Variants in KAT6B observed in about 807,000 individuals in gnomAD.
KAT6B encodes the protein lysine acetyltransferase 6B.
A neutral mutation model predicts 187.5 loss-of-function variants in KAT6B; 10 were observed. That is an observed-to-expected ratio of 0.05 (90% CI 0.03 to 0.09). The LOEUF (loss-of-function observed/expected upper bound fraction) is 0.09, where lower values mean the gene tolerates loss of function less well. KAT6B is among the 10% of genes least tolerant of loss of function. The pLI is 1.00. For missense variants in KAT6B, 1,952 were observed against 2,558.9 expected, an observed-to-expected ratio of 0.76 and a Z score of 5.12; for synonymous variants, 861 against 926.8, an observed-to-expected ratio of 0.93 and a Z score of 1.29.
At chr10:74,897,956 T>G (rs1171502310) in intron 3 of KAT6B, among the ~76,000 whole-genome samples, 1 of 152,172 alleles carries the variant, frequency 6.6e-6, no homozygotes, top group African/African-American at 2.4e-5. Context: ...AAATTAGGAA[T>G]TTTAGCCATA....
intron 3 of KAT6B, among the ~76,000 whole-genome samples, chr10:74,874,151 C>T (rs772199898): frequency 5.9e-5 from 9 of 152,064 alleles, no homozygotes; most frequent in South Asian, 4.1e-4. Flanking sequence ...ATGATGTGAA[C>T]GTATTTCTTA....
intron 3 of KAT6B, among the ~76,000 whole-genome samples, chr10:74,955,383 T>TC (rs34174594): frequency 0.68 from 68,454 of 101,234 alleles, 24,700 homozygotes; most frequent in Non-Finnish European, 0.82. Flanking sequence ...CACAATTTTA[T>TC]CCCCCCCCCC....
Position 74,969,767 on chromosome 10 carries a change from A to G in KAT6B, c.838A>G (p.Arg280Gly), listed in dbSNP as rs759881155. The G allele has an allele frequency of 6.2e-7, 1 of 1,608,736 alleles. No homozygotes were observed. The highest frequency in any genetic ancestry group is 8.5e-7 in the Non-Finnish European group (1 of 1,175,070). ...ATGCAGTGCCTGTAGAGTCCAAGGCAGAAATGCTGTAAGTATGGCTCCCGT... is the reference window on the plus strand; with the variant it reads ...ATGCAGTGCCTGTAGAGTCCAAGGCGGAAATGCTGTAAGTATGGCTCCCGT... ...KTCSACRVQG[R>G]NADNMLFCDS... Residue 280 changes from arginine (R) to glycine (G), a missense_variant, in exon 5 of 18, where the codon AGA (arginine) becomes GGA (glycine). Around this residue, in one of 9 missense-constraint regions of KAT6B, gnomAD observed 24 missense variants for 42.7 expected, o/e 0.56. Coordinates refer to ENST00000287239, the MANE Select transcript of KAT6B (RefSeq NM_012330.4).
rs776363341 is a variant in KAT6B at position 75,030,563 on chromosome 10, G to A, written c.5739G>A (p.Leu1913=). The A allele has an allele frequency of 3.1e-6, 5 of 1,608,664 alleles. No homozygotes were observed. Among genetic ancestry groups the A allele is most frequent in the East Asian group, 4.5e-5 (2 of 44,736 alleles). ...TTGGCATCTCTCACAGCCAAAGACT[G>A]CAAACCCAGATTGCCAGCAAGGGCC... is the stretch of plus-strand genomic sequence containing the variant. The part of the protein sequence containing the change: ...SNIGISHSQR[L]QTQIASKGHI... The change falls in exon 18 of 18, where the codon CTG becomes CTA. Residue 1913 remains leucine (L), a synonymous_variant. Transcript: ENST00000287239. This position sits in a 1 kb window ranked among gnomAD's most constrained non-coding sequence, Gnocchi z 4.8.
At chr10:74,925,749 C>T (rs1459263328) in intron 3 of KAT6B, among the ~76,000 whole-genome samples, 1 of 152,150 alleles carries the variant, frequency 6.6e-6, no homozygotes, top group Non-Finnish European at 1.5e-5. Flanking sequence ...ACAGTGTTAT[C>T]ACTATTGTTT....
chr10:74,913,597 T>C (rs1847413282), intron 3 of KAT6B, among the ~76,000 whole-genome samples: 1 of 152,360 alleles, frequency 6.6e-6, no homozygotes, highest in South Asian at 2.1e-4. Context: ...TTCACAAGGA[T>C]TGAATTCAAC....
rs143090869 is a variant in KAT6B, at chr10:75,024,995, G to A, written c.3410G>A (p.Arg1137His). The change falls in exon 17 of 18, where the codon CGC (arginine) becomes CAC (histidine). Residue 1137 changes from arginine to histidine, a missense_variant. By Grantham distance (29) the Arg-to-His change is conservative (BLOSUM62 0). Transcript: ENST00000287239. ...CTAAAGAAGAAAAGGGGTCGTAAAC[G>A]CAGGAGGATCAACAGCAGTGTAACA... is the stretch of plus-strand genomic sequence containing the variant. ...FVLKKKRGRK[R>H]RRINSSVTTE... 7.4e-5 allele frequency: 119 copies of A among 1,614,074 alleles called. No individual in the cohort carries two copies. Among genetic ancestry groups the A allele is most frequent in the African/African-American group, 1.1e-4 (8 of 74,924 alleles).
chr10:74,992,122 G>A (rs1207081195), intron 13 of KAT6B, among the ~76,000 whole-genome samples: 1 of 152,182 alleles, frequency 6.6e-6, no homozygotes, highest in Non-Finnish European at 1.5e-5. Context: ...TGGTAAATGA[G>A]CCTGGGGCCT....
intron 13 of KAT6B, among the ~76,000 whole-genome samples, chr10:75,015,716 A>G (rs1323865545): frequency 6.6e-6 from 1 of 152,236 alleles, no homozygotes. Context: ...ACCTTTCAGC[A>G]GGATTTGCTG....
intron 3 of KAT6B, among the ~76,000 whole-genome samples, chr10:74,871,612 G>A (rs1459615412): frequency 6.6e-6 from 1 of 152,218 alleles, no homozygotes; most frequent in Non-Finnish European, 1.5e-5. Context: ...CAGGAGGATT[G>A]CTTGAGCCCA....
intron 3 of KAT6B, among the ~76,000 whole-genome samples, chr10:74,903,899 G>T (rs578246753): frequency 6.6e-6 from 1 of 152,346 alleles, no homozygotes; most frequent in Non-Finnish European, 1.5e-5. Flanking sequence ...CTGGTGTATG[G>T]AATCAGGAGG....
chr10:74,902,215 C>T (rs1846451372), intron 3 of KAT6B, among the ~76,000 whole-genome samples: 2 of 152,198 alleles, frequency 1.3e-5, no homozygotes, highest in Non-Finnish European at 2.9e-5. Context: ...TTGGTAGTTT[C>T]AGCTCTCTTG....
At chr10:74,935,909 G>C (rs1000163328) in intron 3 of KAT6B, among the ~76,000 whole-genome samples, 1 of 152,202 alleles carries the variant, frequency 6.6e-6, no homozygotes, top group East Asian at 1.9e-4. Context: ...TAAAAGGATA[G>C]TGTGAGGAAG....
At chr10:74,951,301 T>C (rs966592008) in intron 3 of KAT6B, among the ~76,000 whole-genome samples, 1 of 152,030 alleles carries the variant, frequency 6.6e-6, no homozygotes, top group African/African-American at 2.4e-5. Flanking sequence ...AGCTCATTTT[T>C]GTATTTTTTA....
chr10:75,000,569 C>T (rs190140728), intron 13 of KAT6B, among the ~76,000 whole-genome samples: 4 of 152,196 alleles, frequency 2.6e-5, no homozygotes, highest in East Asian at 1.9e-4. Context: ...TACAGACTTA[C>T]GTCTATAGTT....
At chr10:74,957,689 A>G (rs1840785571) in intron 3 of KAT6B, among the ~76,000 whole-genome samples, 1 of 152,230 alleles carries the variant, frequency 6.6e-6, no homozygotes. Context: ...TATCAAATGA[A>G]AGCAGGAATC....
intron 8 of KAT6B, 27 bp downstream of exon 8, chr10:74,976,357 A>G: frequency 6.3e-7 from 1 of 1,586,690 alleles, no homozygotes; most frequent in Non-Finnish European, 8.6e-7. Context: ...AGCTCCAACC[A>G]AACCTGCGTC....
chr10:74,827,494 C>G (rs182166993), intron 1 of KAT6B, among the ~76,000 whole-genome samples: 1 of 151,712 alleles, frequency 6.6e-6, no homozygotes, highest in African/African-American at 2.4e-5. Context: ...AGGAGGTTTG[C>G]TAGCTTTGGG....
intron 3 of KAT6B, among the ~76,000 whole-genome samples, chr10:74,881,248 G>A (rs1361334775): frequency 6.6e-6 from 1 of 152,112 alleles, no homozygotes; most frequent in Non-Finnish European, 1.5e-5. Context: ...TCTCTAACAT[G>A]CCCTGTTGGT....
Sources: allele counts gnomAD v4.1 joint callset (sites outside exome capture counted in the v4.1 genomes callset), GRCh38; gene constraint gnomAD v4.1.1; regional missense constraint gnomAD v4.1.1; non-coding constraint Gnocchi (gnomAD v3.1); transcripts MANE v1.5; gene names NCBI Gene and HGNC (gene_info 2026-07-23, HGNC 2026-07-21).